KCNMA1: variants seen among roughly 807,000 people sequenced by gnomAD.
The protein encoded by KCNMA1 is Calcium-activated potassium channel subunit alpha-1.
KCNMA1 carries 29 observed loss-of-function variants against 140.0 expected under a neutral mutation model. The observed-to-expected ratio is 0.21, with a 90% confidence interval of 0.15 to 0.28. The LOEUF (loss-of-function observed/expected upper bound fraction) is 0.28, where lower values mean the gene tolerates loss of function less well. KCNMA1 is among the 10% of genes least tolerant of loss of function. The pLI, the probability that KCNMA1 is intolerant of heterozygous loss-of-function variation, is 1.00. For missense variants in KCNMA1, 880 were observed against 1,602.2 expected (o/e 0.55, Z 7.70); for synonymous variants, 612 against 611.9 (o/e 1.00, Z 0.00).
chr10:77,367,414 T>C (rs912595850), intron 2 of KCNMA1, among the ~76,000 whole-genome samples: 1 of 152,176 alleles, frequency 6.6e-6, no homozygotes, highest in Non-Finnish European at 1.5e-5. Flanking sequence ...CATGTTACGA[T>C]GTTTCCTCTG....
At chr10:76,891,968 C>T (rs1351257879) in intron 25 of KCNMA1, among the ~76,000 whole-genome samples, 1 of 152,100 alleles carries the variant, frequency 6.6e-6, no homozygotes, top group East Asian at 1.9e-4. Context: ...TAGTAAAGGG[C>T]TCAAATCTGA....
intron 14 of KCNMA1, among the ~76,000 whole-genome samples, chr10:77,039,883 CTTTTTT>C (rs34943268): frequency 4.7e-4 from 37 of 78,952 alleles, no homozygotes; most frequent in Admixed American, 2.2e-3. Flanking sequence ...TTTTCTTTTT[CTTTTTT>C]TTTTTTTTTT....
chr10:77,493,202 AC>A (rs1247051591), intron 1 of KCNMA1, among the ~76,000 whole-genome samples: 1 of 152,192 alleles, frequency 6.6e-6, no homozygotes, highest in Admixed American at 6.5e-5. Flanking sequence ...AGATCAGGAG[AC>A]CCTGGCCCCT....
intron 24 of KCNMA1, chr10:76,912,968 C>G (rs1400121738): frequency 2.0e-5 from 3 of 152,202 alleles, no homozygotes; most frequent in Non-Finnish European, 4.4e-5. Context: ...TAGTGTGATA[C>G]TCCCTGACCT....
intron 14 of KCNMA1, among the ~76,000 whole-genome samples, chr10:77,068,533 C>T (rs1001298615): frequency 1.4e-4 from 21 of 151,786 alleles, no homozygotes; most frequent in African/African-American, 4.1e-4. Flanking sequence ...GACAGAGAAG[C>T]GTGTATTGTT....
At chr10:77,298,600 G>T (rs1027537268) in intron 2 of KCNMA1, among the ~76,000 whole-genome samples, 4 of 104,682 alleles carry the variant, frequency 3.8e-5, no homozygotes, top group Non-Finnish European at 7.7e-5. Flanking sequence ...TGATAAGGCA[G>T]GAGGGGGCAC....
chr10:77,376,636 T>C (rs1299127993), intron 2 of KCNMA1: 1 of 56,364 alleles, frequency 1.8e-5, no homozygotes, highest in Non-Finnish European at 3.2e-5. Context: ...TTTTTTTAAT[T>C]CATTAAAAAA....
chr10:77,131,369 G>C (rs911130467), intron 5 of KCNMA1, among the ~76,000 whole-genome samples: 1 of 151,978 alleles, frequency 6.6e-6, no homozygotes, highest in African/African-American at 2.4e-5. Context: ...ACTTTGGGAG[G>C]CTGAGCAAGA....
chr10:77,203,822 C>T (rs993556242), intron 3 of KCNMA1, among the ~76,000 whole-genome samples: 12 of 152,058 alleles, frequency 7.9e-5, no homozygotes, highest in Non-Finnish European at 1.6e-4. Context: ...TTAGGCTAGG[C>T]GTGATGGCTC....
intron 10 of KCNMA1, among the ~76,000 whole-genome samples, chr10:77,088,041 A>C (rs1247513146): frequency 6.6e-6 from 1 of 152,174 alleles, no homozygotes; most frequent in Non-Finnish European, 1.5e-5. Flanking sequence ...ATCTCTGCTC[A>C]CTGCAACTTC....
chr10:76,959,623 T>G (rs914546932), intron 20 of KCNMA1, among the ~76,000 whole-genome samples: 1 of 152,222 alleles, frequency 6.6e-6, no homozygotes, highest in Admixed American at 6.5e-5. Flanking sequence ...CCCACTCATG[T>G]ATTACTAGCT....
At chr10:77,168,185 G>C (rs749277050) in intron 5 of KCNMA1, among the ~76,000 whole-genome samples, 1 of 152,162 alleles carries the variant, frequency 6.6e-6, no homozygotes, top group Admixed American at 6.5e-5. Flanking sequence ...ATGTGAGTTC[G>C]AATTCTTGCT....
At position 76,886,939 on chromosome 10, in the gene KCNMA1, A is replaced by G; in HGVS notation, c.*327T>C. On this transcript the variant is annotated 3_prime_UTR_variant, in exon 28 of 28. Transcript: ENST00000286628. The stretch of plus-strand genomic sequence containing the variant: ...ACATTAAATAAACTTGCTCTGCCTA[A>G]CTGACGTTGATCACAAGTGCTCCCT... 8.4e-7 allele frequency: 1 copy of G among 1,195,210 alleles called. No homozygotes were observed. The highest frequency in any genetic ancestry group is 1.1e-6 in the Non-Finnish European group (1 of 950,450). The allele number at this position is 1,195,210 out of a possible 1,614,324, so 74.0% of individuals were successfully genotyped here. A position where few individuals can be genotyped will look rare whatever the true frequency, so the allele number is the denominator to read the frequency against.
At chr10:77,220,981 T>A (rs190394362) in intron 3 of KCNMA1, among the ~76,000 whole-genome samples, 1 of 152,218 alleles carries the variant, frequency 6.6e-6, no homozygotes, top group East Asian at 1.9e-4. Context: ...AGGTGGAAGG[T>A]TTATAAATCA....
intron 2 of KCNMA1, among the ~76,000 whole-genome samples, chr10:77,268,618 C>T (rs1322501113): frequency 6.6e-6 from 1 of 152,114 alleles, no homozygotes; most frequent in Non-Finnish European, 1.5e-5. Flanking sequence ...GTGGCATCCG[C>T]AGGCTTCTCA....
chr10:77,100,920 G>A lies in KCNMA1; in HGVS notation c.1223+7561C>T, dbSNP rs7893843. Among the ~76,000 whole-genome samples, 1,051 of 151,608 alleles carry A rather than the reference G, an allele frequency of 6.9e-3. 7 individuals are homozygous for A. The highest frequency in any genetic ancestry group is 0.024 in the African/African-American group (992 of 41,256). ...GGCTTGAATACGACTTTTTTTTTAAGGTACACAGTTCATCTCCCACCTACA... is the reference window on the plus strand; with the variant it reads ...GGCTTGAATACGACTTTTTTTTTAAAGTACACAGTTCATCTCCCACCTACA... On this transcript the variant is annotated intron_variant, in intron 9 of 27. Transcript: ENST00000286628.
At chr10:77,363,123 T>A (rs1198065967) in intron 2 of KCNMA1, among the ~76,000 whole-genome samples, 8 of 151,678 alleles carry the variant, frequency 5.3e-5, no homozygotes, top group South Asian at 2.1e-4. Flanking sequence ...TATTATTATT[T>A]TTTTTTTCTG....
At chr10:76,957,701 G>A (rs560086720) in intron 20 of KCNMA1, among the ~76,000 whole-genome samples, 3 of 152,322 alleles carry the variant, frequency 2.0e-5, no homozygotes, top group African/African-American at 7.2e-5. Flanking sequence ...CTGGACCATT[G>A]TTGGATATCA....
intron 6 of KCNMA1, among the ~76,000 whole-genome samples, chr10:77,115,983 A>G (rs2574784): frequency 0.44 from 67,591 of 151,944 alleles, 15,149 homozygotes; most frequent in Middle Eastern, 0.49. Flanking sequence ...AGAAAGAGTG[A>G]GGCACGCCAG....
Sources: gnomAD v4.1 joint callset for allele counts (sites outside exome capture counted in the v4.1 genomes callset) on GRCh38, gnomAD v4.1.1 for gene constraint, MANE v1.5 for transcripts, NCBI Gene and HGNC (gene_info 2026-07-23, HGNC 2026-07-21) for gene names.